PLA2G4B: variants seen among roughly 807,000 people sequenced by gnomAD.
The protein encoded by PLA2G4B is cytosolic phospholipase A2 beta.
Under a neutral mutation model 95.8 loss-of-function variants are expected in PLA2G4B, and 122 were observed. That is an observed-to-expected ratio of 1.27 (90% confidence interval 1.10 to 1.48). The LOEUF (loss-of-function observed/expected upper bound fraction) is 1.48, where lower values mean the gene tolerates loss of function less well. Ranked by LOEUF, PLA2G4B falls within the 40% of genes most tolerant of loss-of-function variation. The probability of loss-of-function intolerance (pLI) is 0.00; values close to 1 mark genes in which losing one functional copy is unlikely to be tolerated. For missense variants in PLA2G4B, 1,158 were observed against 996.2 expected (o/e 1.16, Z -2.19); for synonymous variants, 518 against 421.5 (o/e 1.23, Z -2.80).
chr15:41,839,216 C>G, intron 1 of PLA2G4B: 1 of 321,676 alleles, frequency 3.1e-6, no homozygotes, highest in Non-Finnish European at 5.8e-6. Flanking sequence ...GCCCTGGAAG[C>G]AAGTGGCTCC....
chr15:41,846,396 T>C lies in PLA2G4B; in HGVS notation c.1780+14T>C. The C allele has an allele frequency of 6.3e-7, 1 of 1,594,724 alleles. No homozygotes were observed. The highest frequency in any genetic ancestry group is 8.6e-7 in the Non-Finnish European group (1 of 1,165,364). On this transcript the variant is annotated intron_variant, in intron 17 of 19. Coordinates refer to ENST00000458483, the MANE Select transcript of PLA2G4B (RefSeq NM_001114633.2). Reference sequence around the variant, plus strand: ...CCACATGGAAAGGTACCTGCTTCTCTCCAAAGTCCTCCTGTGGCCACCTGA... The same window carrying C: ...CCACATGGAAAGGTACCTGCTTCTCCCCAAAGTCCTCCTGTGGCCACCTGA...
chr15:41,841,739 C>T, intron 7 of PLA2G4B, 80 bp from the exon 8 acceptor site: 1 of 1,580,182 alleles, frequency 6.3e-7, no homozygotes, highest in Non-Finnish European at 8.6e-7. Context: ...GAGGGAGGTG[C>T]CCTCCAGGCC....
In PLA2G4B at chr15:41,838,876, C is replaced by T. The variant is rs2065372970; in HGVS notation, c.-38C>T. 5 of 1,585,474 alleles carry T rather than the reference C, an allele frequency of 3.2e-6. No homozygotes were observed. Among genetic ancestry groups the T allele is most frequent in the African/African-American group, 1.3e-5 (1 of 74,384 alleles). ...AGCTGACAGTCCTTGATCCTGTGGC[C>T]ACTGCCCCATCATTCCTGCTCCTGA... On this transcript the variant is annotated 5_prime_UTR_variant, in exon 1 of 20. Coordinates refer to ENST00000458483, the MANE Select transcript of PLA2G4B (RefSeq NM_001114633.2).
rs199715476 is a variant in PLA2G4B, at chr15:41,840,924, G to T, written c.351+19G>T. On this transcript the variant is annotated intron_variant, in intron 4 of 19. Transcript: ENST00000458483. ...CCCTCAGGCAAGGCGGTGTTTCCAC[G>T]GCAGCCCTAGCTGGTGTCTGGGTTG... 1.9e-6 allele frequency: 3 copies of T among 1,609,060 alleles called. No individual in the cohort carries two copies. Among genetic ancestry groups the T allele is most frequent in the Non-Finnish European group, 2.6e-6 (3 of 1,176,348 alleles).
At chr15:41,842,041 G>C in intron 8 of PLA2G4B, 92 bp downstream of exon 8, 1 of 1,560,184 alleles carries the variant, frequency 6.4e-7, no homozygotes, top group Non-Finnish European at 8.7e-7. Context: ...CCACCTGGCA[G>C]AGTGGGCACC....
chr15:41,842,423 TC>T, intron 9 of PLA2G4B, 130 bp from the exon 10 acceptor site: 2 of 1,554,058 alleles, frequency 1.3e-6, no homozygotes, highest in Non-Finnish European at 1.7e-6. Flanking sequence ...CCTCTGAGCA[TC>T]CCTGCTTCAG....
At chr15:41,841,208 G>T (rs2065425290) in intron 5 of PLA2G4B, 23 bp from the exon 6 acceptor site, 4 of 1,613,900 alleles carry the variant, frequency 2.5e-6, no homozygotes, top group African/African-American at 1.3e-5. Context: ...TCCTGCTAAG[G>T]GGGCTCTGGG....
At chr15:41,840,751 C>T (rs2065414028) in intron 3 of PLA2G4B, 23 bp from the exon 4 acceptor site, 6 of 1,611,654 alleles carry the variant, frequency 3.7e-6, no homozygotes, top group African/African-American at 1.3e-5. Context: ...CTCCTGCAGC[C>T]CTGTCACTCT....
At position 41,846,216 on chromosome 15, in the gene PLA2G4B, C is replaced by T. The variant is rs774233316; in HGVS notation, c.1614C>T (p.Val538=). The T allele has an allele frequency of 1.2e-6, 2 of 1,613,820 alleles. No individual in the cohort carries two copies. Among genetic ancestry groups the T allele is most frequent in the African/African-American group, 1.3e-5 (1 of 75,056 alleles). The part of the protein sequence containing the change: ...RNQANLDKEQ[V]PLLKIEEPPS... ...TTGCCTGTGTAGACAAGGAGCAGGTCCCCCTTCTGAAGATAGAAGAACCAC... is the reference window on the plus strand; with the variant it reads ...TTGCCTGTGTAGACAAGGAGCAGGTTCCCCTTCTGAAGATAGAAGAACCAC... The change falls in exon 17 of 20, where the codon GTC becomes GTT. Residue 538 remains valine (V), a synonymous_variant. Coordinates refer to ENST00000458483, the MANE Select transcript of PLA2G4B (RefSeq NM_001114633.2).
Position 41,845,967 on chromosome 15 carries a change from C to T in PLA2G4B, c.1520C>T (p.Ala507Val). 6.6e-7 allele frequency: 1 copy of T among 1,516,282 alleles called. No individual in the cohort carries two copies. Among genetic ancestry groups the T allele is most frequent in the Non-Finnish European group, 8.8e-7 (1 of 1,132,858 alleles). 93.9% of individuals were successfully genotyped at this position (1,516,282 alleles called of 1,614,324 possible). The part of the protein sequence containing the change: ...LEGIWSNLYA[A>V]NLQDSLYWAS... ...GGTATCTGGAGCAACCTGTATGCAG[C>T]CAACCTCCAGGACAGCTTATACTGG... The change falls in exon 16 of 20, where the codon GCC becomes GTC. Residue 507 changes from alanine (A) to valine (V), a missense_variant. Transcript: ENST00000458483.
At chr15:41,840,101 CCT>C (rs778062226) in intron 1 of PLA2G4B, 55 bp from the exon 2 acceptor site, 475 of 1,588,008 alleles carry the variant, frequency 3.0e-4, no homozygotes, top group Admixed American at 5.1e-4. Flanking sequence ...CTTTGTGGCC[CCT>C]GTCACCCTTG....
In PLA2G4B at chr15:41,841,664, C is replaced by T. The variant is rs930959839; in HGVS notation, c.490+93C>T. On this transcript the variant is annotated intron_variant, in intron 7 of 19. Transcript: ENST00000458483. ...CAATTCTCCTTGGGGCCTGAGCTTTCCCCTTAGGCCTTCTCGGGGGACTGT... is the reference window on the plus strand; with the variant it reads ...CAATTCTCCTTGGGGCCTGAGCTTTTCCCTTAGGCCTTCTCGGGGGACTGT... 8.8e-6 allele frequency: 14 copies of T among 1,585,334 alleles called. No homozygotes were observed. The African/African-American group carries it at 1.8e-4, about 20-fold the overall frequency.
rs1392060169 is a variant in PLA2G4B, at chr15:41,840,564, G to C, written c.123G>C (p.Thr41=). Residue 41 remains threonine, a synonymous_variant, in exon 3 of 20, where the codon ACG becomes ACC. Coordinates refer to ENST00000458483, the MANE Select transcript of PLA2G4B (RefSeq NM_001114633.2). ...GCTACGTGACTCTCTGGCTGCCCAC[G>C]GCCTGCAGCCACAGGCTCCAGACAC... ...SDCYVTLWLP[T]ACSHRLQTRT... 1.2e-6 allele frequency: 2 copies of C among 1,613,848 alleles called. No homozygotes were observed. The highest frequency in any genetic ancestry group is 2.2e-5 in the South Asian group (2 of 91,078).
rs1217788074 is a variant in PLA2G4B, at chr15:41,845,765, C to A, written c.1485C>A (p.Cys495Ter). The stretch of plus-strand genomic sequence containing the variant: ...AGAGGCTTCCTGAGTCCCGCATCTG[C>A]TTCTTAGAAGGTGAGGGGCACTGGC... ...LMKRLPESRI[C>*]FLEGIWSNLY... is the part of the protein sequence containing the mutation. Residue 495 changes from cysteine (C) to a stop codon, truncating the protein, a stop_gained, in exon 15 of 20, where the codon TGC becomes TGA. Coordinates refer to ENST00000458483, the MANE Select transcript of PLA2G4B (RefSeq NM_001114633.2). LOFTEE classifies it high-confidence loss of function. 6.3e-7 allele frequency: 1 copy of A among 1,599,968 alleles called. No individual in the cohort carries two copies. Among genetic ancestry groups the A allele is most frequent in the East Asian group, 2.2e-5 (1 of 44,710 alleles).
In PLA2G4B at chr15:41,840,214, A is replaced by G. The variant is rs1376807156; in HGVS notation, c.66A>G (p.Leu22=). 6.2e-7 allele frequency: 1 copy of G among 1,613,060 alleles called. No individual in the cohort carries two copies. The highest frequency in any genetic ancestry group is 8.5e-7 in the Non-Finnish European group (1 of 1,179,974). ...LTVRVLQAHR[L]PSKDLVTPSD... ...TTCGTGTCCTGCAGGCCCATCGCCT[A>G]CCCTCTAAGGACCTAGGTGAGTGCG... Residue 22 remains leucine, a synonymous_variant, in exon 2 of 20, where the codon CTA becomes CTG. Coordinates refer to ENST00000458483, the MANE Select transcript of PLA2G4B (RefSeq NM_001114633.2).
Position 41,846,810 on chromosome 15 carries a change from A to C in PLA2G4B, c.1922A>C (p.Asp641Ala). Residue 641 changes from aspartate to alanine, a missense_variant, in exon 18 of 20, where the codon GAC (aspartate) becomes GCC (alanine). By Grantham distance (126) the Asp-to-Ala change is moderately radical (BLOSUM62 -2). Transcript: ENST00000458483. ...TRDVDLILSLDYNLHGAFQQL... is the reference protein window; with the variant it reads ...TRDVDLILSLAYNLHGAFQQL... ...GACGTGGACCTCATCCTGTCATTGG[A>C]CTACAACCTCCACGGAGCCTTCCAG... The C allele has an allele frequency of 6.2e-7, 1 of 1,612,596 alleles. No individual in the cohort carries two copies. The highest frequency in any genetic ancestry group is 1.1e-5 in the South Asian group (1 of 90,950).
In PLA2G4B at chr15:41,845,129, G is replaced by A. The variant is rs1051041495; in HGVS notation, c.1239+59G>A. ...GCAAGGGCTGGAGCTGGGGCTCGGT[G>A]CTGGACAGCAGGGTGGGAAAGGCCC... On this transcript the variant is annotated intron_variant, in intron 13 of 19. Transcript: ENST00000458483. The A allele has an allele frequency of 8.1e-6, 13 of 1,608,646 alleles. No individual in the cohort carries two copies. In the African/African-American group the frequency reaches 1.7e-4, roughly 21 times the overall value.
rs761025591 is a variant in PLA2G4B at position 41,840,163 on chromosome 15, G to A, written c.15G>A (p.Glu5=). The A allele has an allele frequency of 1.2e-6, 2 of 1,613,114 alleles. No individual in the cohort carries two copies. Among genetic ancestry groups the A allele is most frequent in the African/African-American group, 1.3e-5 (1 of 75,024 alleles). ...CCCCTCTCCCACCTCTGCAGGCAGA[G>A]GTGTCCAGGACCTGCCTGCTCACGG... MAVA[E]VSRTCLLTVR... Residue 5 remains glutamate (E), a synonymous_variant, in exon 2 of 20, where the codon GAG becomes GAA. Transcript: ENST00000458483.
At position 41,847,861 on chromosome 15, in the gene PLA2G4B, T is replaced by G; in HGVS notation, c.*1T>G. ...GAGGCGGCAGCGCAGGCCCCACTGA[T>G]GGCCGGGGCCCCTGCCACCCCTAAC... On this transcript the variant is annotated 3_prime_UTR_variant, in exon 20 of 20. Coordinates refer to ENST00000458483, the MANE Select transcript of PLA2G4B (RefSeq NM_001114633.2). The G allele has an allele frequency of 6.2e-7, 1 of 1,611,694 alleles. No individual in the cohort carries two copies. Among genetic ancestry groups the G allele is most frequent in the African/African-American group, 1.3e-5 (1 of 75,052 alleles).
Sources: allele counts gnomAD v4.1 joint callset, GRCh38; gene constraint gnomAD v4.1.1; transcripts MANE v1.5; gene names NCBI Gene and HGNC (gene_info 2026-07-23, HGNC 2026-07-21).